Variants in MSRB3 observed in about 807,000 individuals in gnomAD.
MSRB3 encodes methionine-R-sulfoxide reductase B3.
In MSRB3, 13 loss-of-function variants were observed where a neutral mutation model predicts 21.0. The ratio of observed to expected loss-of-function variants is 0.62; its 90% CI spans 0.40 to 0.98. The LOEUF (loss-of-function observed/expected upper bound fraction) is 0.98. Among genes scored for constraint, MSRB3 ranks in the 50% least tolerant of loss-of-function variants. The probability of loss-of-function intolerance (pLI) is 0.00; values close to 1 mark genes in which losing one functional copy is unlikely to be tolerated. For missense variants in MSRB3, 199 were observed against 230.3 expected (o/e 0.86, Z 0.88); for synonymous variants, 87 against 88.6 (o/e 0.98, Z 0.10).
At chr12:65,450,092 G>A in intron 5 of MSRB3, among the ~76,000 whole-genome samples, 1 of 149,548 alleles carries the variant, frequency 6.7e-6, no homozygotes, top group East Asian at 2.0e-4. Context: ...GGGTTGGAGG[G>A]GGAATGATTA....
intron 5 of MSRB3, among the ~76,000 whole-genome samples, chr12:65,380,684 T>TA (rs1205457753): frequency 2.0e-5 from 3 of 152,214 alleles, no homozygotes; most frequent in African/African-American, 7.2e-5. Flanking sequence ...TGCTCTGTAC[T>TA]AAGTGTTTAA....
chr12:65,353,592 A>C (rs1222444020), intron 4 of MSRB3, among the ~76,000 whole-genome samples: 1 of 151,942 alleles, frequency 6.6e-6, no homozygotes, highest in African/African-American at 2.4e-5. Context: ...ATCTTCCTCC[A>C]TCCCTTTATT....
intron 4 of MSRB3, among the ~76,000 whole-genome samples, chr12:65,360,548 T>C (rs1877641458): frequency 6.6e-6 from 1 of 152,142 alleles, no homozygotes; most frequent in Non-Finnish European, 1.5e-5. Flanking sequence ...AGGTTTGAGT[T>C]CTACAGATGC....
intron 5 of MSRB3, among the ~76,000 whole-genome samples, chr12:65,409,789 A>G (rs534692456): frequency 6.6e-6 from 1 of 152,184 alleles, no homozygotes; most frequent in Non-Finnish European, 1.5e-5. Flanking sequence ...TTTATTTATC[A>G]TAGCTGTTCC....
chr12:65,315,764 TTATG>T (rs1434644155), intron 2 of MSRB3, among the ~76,000 whole-genome samples: 1 of 152,000 alleles, frequency 6.6e-6, no homozygotes, highest in Non-Finnish European at 1.5e-5. Flanking sequence ...GAGTTTAAAT[TTATG>T]TATTAACTTT....
intron 4 of MSRB3, among the ~76,000 whole-genome samples, chr12:65,360,063 C>G (rs1294083772): frequency 6.6e-6 from 1 of 151,944 alleles, no homozygotes; most frequent in African/African-American, 2.4e-5. Flanking sequence ...CTGTGTCTTC[C>G]CCTGGCCTTG....
chr12:65,354,691 A>C (rs1296243228), intron 4 of MSRB3, among the ~76,000 whole-genome samples: 4 of 151,846 alleles, frequency 2.6e-5, no homozygotes, highest in Non-Finnish European at 5.9e-5. Context: ...TATAGGTTTC[A>C]TGGAAGGAAT....
intron 4 of MSRB3, among the ~76,000 whole-genome samples, chr12:65,329,460 G>A (rs534184760): frequency 3.9e-5 from 6 of 151,988 alleles, no homozygotes; most frequent in South Asian, 2.1e-4. Context: ...GATTAGCCTG[G>A]CCAACATGGT....
At chr12:65,420,095 G>T in intron 5 of MSRB3, 2 of 448,376 alleles carry the variant, frequency 4.5e-6, no homozygotes, top group South Asian at 1.9e-5. Flanking sequence ...TATGGTGTGA[G>T]ATGAGGCTCT....
chr12:65,294,138 A>AG (rs1872815829), intron 1 of MSRB3, among the ~76,000 whole-genome samples: 1 of 152,166 alleles, frequency 6.6e-6, no homozygotes, highest in African/African-American at 2.4e-5. Context: ...TGCTTCCCAA[A>AG]TCCTTTGAAA....
intron 5 of MSRB3, among the ~76,000 whole-genome samples, chr12:65,398,822 T>C (rs1879956817): frequency 6.6e-6 from 1 of 152,198 alleles, no homozygotes; most frequent in African/African-American, 2.4e-5. Flanking sequence ...GTTTTCTCCA[T>C]ATGGCTACCC....
At chr12:65,333,473 G>A (rs1875559572) in intron 4 of MSRB3, among the ~76,000 whole-genome samples, 1 of 152,166 alleles carries the variant, frequency 6.6e-6, no homozygotes, top group Non-Finnish European at 1.5e-5. Flanking sequence ...AGGAATCAGA[G>A]ATAGAATCAA....
Position 65,371,961 on chromosome 12 carries a change from C to A in MSRB3, c.292+2935C>A, listed in dbSNP as rs569394694. Among the ~76,000 whole-genome samples, 4 of 152,188 alleles carry A rather than the reference C, an allele frequency of 2.6e-5. No individual in the cohort carries two copies. In the South Asian group the frequency reaches 8.3e-4, roughly 32 times the overall value. On this transcript the variant is annotated intron_variant, in intron 5 of 6. Transcript: ENST00000308259. ...AGTAGAAAGTATAGTGTGATTAGCA[C>A]CCATATAGTCATCCTCTAAATGTTA...
At chr12:65,289,658 A>G (rs147828988) in intron 1 of MSRB3, among the ~76,000 whole-genome samples, 1,564 of 152,278 alleles carry the variant, frequency 0.01, 27 homozygotes, top group African/African-American at 0.036. Context: ...TTTGTCACCC[A>G]GGTAATCAGT....
At chr12:65,309,510 A>C (rs192561061) in intron 2 of MSRB3, among the ~76,000 whole-genome samples, 2 of 152,232 alleles carry the variant, frequency 1.3e-5, no homozygotes, top group East Asian at 3.9e-4. Context: ...TTTTTTCAAC[A>C]AGTACAAGGT....
At chr12:65,356,699 G>C (rs1185812376) in intron 4 of MSRB3, among the ~76,000 whole-genome samples, 1 of 151,878 alleles carries the variant, frequency 6.6e-6, no homozygotes, top group South Asian at 2.1e-4. Flanking sequence ...CAGGTTAGTG[G>C]TTCTCAGGAT....
At chr12:65,334,453 A>G (rs1032831382) in intron 4 of MSRB3, among the ~76,000 whole-genome samples, 1 of 152,232 alleles carries the variant, frequency 6.6e-6, no homozygotes, top group African/African-American at 2.4e-5. Context: ...TAGTAGAATG[A>G]AATTTTAATA....
At chr12:65,423,934 G>A (rs1186027983) in intron 5 of MSRB3, among the ~76,000 whole-genome samples, 1 of 152,120 alleles carries the variant, frequency 6.6e-6, no homozygotes, top group Non-Finnish European at 1.5e-5. Flanking sequence ...TAAAAGGTTG[G>A]TAGAATTCAG....
chr12:65,349,563 G>A (rs564718735), intron 4 of MSRB3, among the ~76,000 whole-genome samples: 4,978 of 137,830 alleles, frequency 0.036, 441 homozygotes, highest in African/African-American at 0.16. Flanking sequence ...CATCCTCTCC[G>A]GCACCTGTTG....
Sources: allele counts gnomAD v4.1 joint callset (sites outside exome capture counted in the v4.1 genomes callset), GRCh38; gene constraint gnomAD v4.1.1; transcripts MANE v1.5; gene names NCBI Gene and HGNC (gene_info 2026-07-23, HGNC 2026-07-21).